PPL: variants seen among roughly 807,000 people sequenced by gnomAD.
PPL encodes periplakin.
In PPL, 198 loss-of-function variants were observed where a neutral mutation model predicts 194.4. The ratio of observed to expected loss-of-function variants is 1.02; its 90% CI spans 0.91 to 1.15. The LOEUF (loss-of-function observed/expected upper bound fraction) is 1.15. PPL is among the 50% of genes most tolerant of loss of function. The pLI, the probability that PPL is intolerant of heterozygous loss-of-function variation, is 0.00. For synonymous variants in PPL, 1,220 were observed against 972.4 expected (o/e 1.25, Z -4.74); for missense variants, 2,885 against 2,294.8 (o/e 1.26, Z -5.25).
At chr16:4,906,441 G>A (rs2088684476) in intron 2 of PPL, among the ~76,000 whole-genome samples, 1 of 152,076 alleles carries the variant, frequency 6.6e-6, no homozygotes, top group Non-Finnish European at 1.5e-5. Context: ...TAGCCAGGAT[G>A]GTCTCGATCT....
chr16:4,885,818 A>G lies in PPL; in HGVS notation c.2837T>C (p.Leu946Pro), dbSNP rs750700912. The G allele has an allele frequency of 1.2e-6, 2 of 1,608,364 alleles. No individual in the cohort carries two copies. Among genetic ancestry groups the G allele is most frequent in the South Asian group, 1.1e-5 (1 of 91,078 alleles). ...EVLKKVPDPVLEESFQQLQRT... is the reference protein window; with the variant it reads ...EVLKKVPDPVPEESFQQLQRT... ...CTGCAGCTGCTGGAAGCTCTCCTCC[A>G]GCACGGGATCCGGCACCTTCTTGAG... The change falls in exon 22 of 22, where the codon CTG becomes CCG. Residue 946 changes from leucine (L) to proline (P), a missense_variant. Physicochemically the swap from Leu to Pro is moderately conservative, Grantham distance 98. Transcript: ENST00000345988. The surrounding 1 kb of genome is among the most constrained non-coding windows in gnomAD (Gnocchi z 6.3).
At chr16:4,930,040 G>C (rs532934640) in intron 1 of PPL, among the ~76,000 whole-genome samples, 3 of 152,110 alleles carry the variant, frequency 2.0e-5, no homozygotes, top group South Asian at 2.1e-4. Flanking sequence ...AAGTGGAATT[G>C]CTCTGTGTAT....
At chr16:4,932,719 G>C (rs138408481) in intron 1 of PPL, among the ~76,000 whole-genome samples, 21 of 152,054 alleles carry the variant, frequency 1.4e-4, no homozygotes, top group Non-Finnish European at 2.6e-4. Flanking sequence ...CGCCCAGCCC[G>C]TCATGACTCT....
chr16:4,908,111 G>A (rs568320726), intron 2 of PPL, among the ~76,000 whole-genome samples: 2 of 147,416 alleles, frequency 1.4e-5, no homozygotes, highest in Non-Finnish European at 1.5e-5. Flanking sequence ...GCAGTGAGCC[G>A]AGATAGCACC....
chr16:4,918,206 T>G (rs1029512949), intron 1 of PPL, among the ~76,000 whole-genome samples: 2 of 151,700 alleles, frequency 1.3e-5, no homozygotes, highest in African/African-American at 4.8e-5. Context: ...GGTGGAAGAA[T>G]TGCTTGAACC....
chr16:4,899,471 A>ATGGT (rs1568013243), intron 6 of PPL, 87 bp from the exon 7 acceptor site: 9 of 1,509,436 alleles, frequency 6.0e-6, no homozygotes, highest in African/African-American at 1.4e-5. Context: ...GGGCCCAGCT[A>ATGGT]TGGCTGGCCT....
chr16:4,895,580 G>A lies in PPL; in HGVS notation c.1095+14C>T. 6.2e-7 allele frequency: 1 copy of A among 1,613,724 alleles called. No individual in the cohort carries two copies. The highest frequency in any genetic ancestry group is 8.5e-7 in the Non-Finnish European group (1 of 1,179,998). On this transcript the variant is annotated intron_variant, in intron 10 of 21. Coordinates refer to ENST00000345988, the MANE Select transcript of PPL (RefSeq NM_002705.5). Reference sequence around the variant, plus strand: ...CGCCCCCCGGGCCAGCAGGGGTCCTGGGCCATCGCTCACATCCAGCTCCCG... The same window carrying A: ...CGCCCCCCGGGCCAGCAGGGGTCCTAGGCCATCGCTCACATCCAGCTCCCG...
Position 4,890,865 on chromosome 16 carries a change from G to A in PPL, c.2025C>T (p.Asn675=). 1 of 1,554,564 alleles carries A rather than the reference G, an allele frequency of 6.4e-7. No individual in the cohort carries two copies. Among genetic ancestry groups the A allele is most frequent in the Non-Finnish European group, 8.7e-7 (1 of 1,147,528 alleles). Residue 675 remains asparagine (N), a synonymous_variant, in exon 17 of 22, where the codon AAC becomes AAT. Transcript: ENST00000345988. The part of the protein sequence containing the change: ...QKSLLGEVEQ[N]LQAAKQCSST... Reference sequence around the variant, plus strand: ...TCGAGCACTGCTTGGCCGCCTGCAAGTTCTGCTCCACCTCACCCAGGAGGG... The same window carrying A: ...TCGAGCACTGCTTGGCCGCCTGCAAATTCTGCTCCACCTCACCCAGGAGGG...
chr16:4,926,888 A>C (rs1194456734), intron 1 of PPL, among the ~76,000 whole-genome samples: 1 of 115,878 alleles, frequency 8.6e-6, no homozygotes, highest in Non-Finnish European at 1.9e-5. Context: ...CAAAAAAAAA[A>C]AAAACAAAAA....
chr16:4,901,060 A>G lies in PPL; in HGVS notation c.468T>C (p.Thr156=). Reference sequence around the variant, plus strand: ...CTTGGTGGTCCACCAGCGGCAGGTCAGTCCCAAAGCTCTGGTTGTTCAGCT... The same window carrying G: ...CTTGGTGGTCCACCAGCGGCAGGTCGGTCCCAAAGCTCTGGTTGTTCAGCT... ...LDKLNNQSFG[T]DLPLVDHQVE... is the part of the protein sequence containing the mutation. Residue 156 remains threonine, a synonymous_variant, in exon 5 of 22, where the codon ACT becomes ACC. Coordinates refer to ENST00000345988, the MANE Select transcript of PPL (RefSeq NM_002705.5). The G allele has an allele frequency of 6.2e-7, 1 of 1,614,184 alleles. No homozygotes were observed. Among genetic ancestry groups the G allele is most frequent in the Non-Finnish European group, 8.5e-7 (1 of 1,180,034 alleles).
chr16:4,912,373 A>G (rs1176001465), intron 1 of PPL, among the ~76,000 whole-genome samples: 1 of 152,266 alleles, frequency 6.6e-6, no homozygotes, highest in African/African-American at 2.4e-5. Flanking sequence ...TGCAGCATCT[A>G]TTAGAACTTC....
Position 4,890,116 on chromosome 16 carries a change from A to G in PPL, c.2313+68T>C, listed in dbSNP as rs946774397. 8.1e-6 allele frequency: 13 copies of G among 1,609,708 alleles called. No homozygotes were observed. The Admixed American group carries it at 1.2e-4, about 14-fold the overall frequency. ...CTCCCAAAGGCTTGGCTCCCCAGAA[A>G]GGGGCTTGTTGACCTCTGACCCTCC... is the stretch of plus-strand genomic sequence containing the variant. On this transcript the variant is annotated intron_variant, in intron 18 of 21. Coordinates refer to ENST00000345988, the MANE Select transcript of PPL (RefSeq NM_002705.5).
chr16:4,883,202 G>A lies in PPL; in HGVS notation c.*182C>T, dbSNP rs2088132920. The stretch of plus-strand genomic sequence containing the variant: ...AGGGTGAATGATGGTTGGGACGAGA[G>A]TTGCCTGTCTTCAGCCAGTGCCTGT... On this transcript the variant is annotated 3_prime_UTR_variant, in exon 22 of 22. Coordinates refer to ENST00000345988, the MANE Select transcript of PPL (RefSeq NM_002705.5). The surrounding 1 kb of genome is among the most constrained non-coding windows in gnomAD (Gnocchi z 4.8). 4 of 731,448 alleles carry A rather than the reference G, an allele frequency of 5.5e-6. No individual in the cohort carries two copies. Among genetic ancestry groups the A allele is most frequent in the Admixed American group, 5.5e-5 (2 of 36,126 alleles). 45.3% of individuals were successfully genotyped at this position (731,448 alleles called of 1,614,324 possible). A position where few individuals can be genotyped will look rare whatever the true frequency, so the allele number is the denominator to read the frequency against.
intron 1 of PPL, among the ~76,000 whole-genome samples, chr16:4,935,256 G>A (rs1488789892): frequency 6.6e-6 from 1 of 152,168 alleles, no homozygotes; most frequent in African/African-American, 2.4e-5. Context: ...AGAACCTTTT[G>A]TTAGGTCCAA....
Position 4,891,803 on chromosome 16 carries a change from A to C in PPL, c.1968+8T>G. ...GAAGGACTCCCAGGACTTGGGCCCT[A>C]GACTCACCGCCAGCTCCTGCCCCTT... On this transcript the variant is annotated splice_region_variant and intron_variant, in intron 16 of 21. Coordinates refer to ENST00000345988, the MANE Select transcript of PPL (RefSeq NM_002705.5). 5 of 1,605,674 alleles carry C rather than the reference A, an allele frequency of 3.1e-6. No homozygotes were observed. Among genetic ancestry groups the C allele is most frequent in the Non-Finnish European group, 4.3e-6 (5 of 1,176,360 alleles).
rs768878928 is a variant in PPL at position 4,885,215 on chromosome 16, C to G, written c.3440G>C (p.Ser1147Thr). 2.5e-5 allele frequency: 40 copies of G among 1,613,910 alleles called. No individual in the cohort carries two copies. In the South Asian group the frequency reaches 4.3e-4, roughly 17 times the overall value. ...GAGCAGCTCCGTCTTCTCCCTCTGG[C>G]TAGCGCGAGCCTTGGCAGCCTCGTC... ...YEDEAAKARA[S>T]QREKTELLRK... Residue 1147 changes from serine (S) to threonine (T), a missense_variant, in exon 22 of 22, where the codon AGC (serine) becomes ACC (threonine). Coordinates refer to ENST00000345988, the MANE Select transcript of PPL (RefSeq NM_002705.5). The surrounding 1 kb of genome is among the most constrained non-coding windows in gnomAD (Gnocchi z 6.3).
intron 18 of PPL, among the ~76,000 whole-genome samples, 180 bp from the exon 19 acceptor site, chr16:4,889,241 G>GGTGGTTTTTTT (rs1442783436): frequency 1.5e-5 from 1 of 66,636 alleles, no homozygotes; most frequent in Non-Finnish European, 2.5e-5. Context: ...TGTTGTTGTT[G>GGTGGTTTTTTT]TTTTTTTTTT....
chr16:4,888,240 C>T (rs754139590), intron 19 of PPL, 22 bp from the exon 20 acceptor site: 3 of 1,522,938 alleles, frequency 2.0e-6, no homozygotes, highest in Non-Finnish European at 2.7e-6. Flanking sequence ...AGAGACATGG[C>T]AGAGGGGAGA....
Position 4,885,667 on chromosome 16 carries a change from C to G in PPL, c.2988G>C (p.Glu996Asp), listed in dbSNP as rs1156839528. 1 of 1,612,902 alleles carries G rather than the reference C, an allele frequency of 6.2e-7. No homozygotes were observed. The highest frequency in any genetic ancestry group is 1.7e-5 in the Admixed American group (1 of 59,914). ...CCCTGTCAGGCTCGATGCGCAGGAC[C>G]TCCTTGACCACGTACTCCTGCCCCC... ...RDGGQEYVVKEVLRIEPDRAQ... is the reference protein window; with the variant it reads ...RDGGQEYVVKDVLRIEPDRAQ... Residue 996 changes from glutamate (E) to aspartate (D), a missense_variant, in exon 22 of 22, where the codon GAG becomes GAC. Transcript: ENST00000345988. This position sits in a 1 kb window ranked among gnomAD's most constrained non-coding sequence, Gnocchi z 6.3.
Sources: allele counts gnomAD v4.1 joint callset (sites outside exome capture counted in the v4.1 genomes callset), GRCh38; gene constraint gnomAD v4.1.1; non-coding constraint Gnocchi (gnomAD v3.1); transcripts MANE v1.5; gene names NCBI Gene and HGNC (gene_info 2026-07-23, HGNC 2026-07-21).